BCAT1: variants seen among roughly 807,000 people sequenced by gnomAD.
BCAT1 encodes branched chain amino acid transaminase 1.
In BCAT1, 48 loss-of-function variants were observed where a neutral mutation model predicts 52.4. The ratio of observed to expected loss-of-function variants is 0.92; its 90% confidence interval spans 0.73 to 1.16. The LOEUF (loss-of-function observed/expected upper bound fraction) is 1.16, where lower values mean the gene tolerates loss of function less well. Among genes scored for constraint, BCAT1 ranks in the 50% most tolerant of loss-of-function variants. The pLI is 0.00. For synonymous variants in BCAT1, 167 were observed against 161.3 expected (o/e 1.04, Z -0.27); for missense variants, 451 against 457.1 (o/e 0.99, Z 0.12).
intron 8 of BCAT1, chr12:24,833,677 A>G (rs1940787284): frequency 6.6e-6 from 1 of 152,220 alleles, no homozygotes; most frequent in Admixed American, 6.5e-5. Context: ...TATCATCCCC[A>G]TTTTACAGAT....
rs755304286 is a variant in BCAT1 at position 24,881,396 on chromosome 12, T to G, written c.295A>C (p.Lys99Gln). Residue 99 changes from lysine to glutamine, a missense_variant, in exon 4 of 11, where the codon AAG becomes CAG. Coordinates refer to ENST00000261192, the MANE Select transcript of BCAT1 (RefSeq NM_005504.7). ...TTATTATCTACTCCTCGAAATGCCTTCAATCCTTCAAATAACTGGAGATCA... is the reference window on the plus strand; with the variant it reads ...TTATTATCTACTCCTCGAAATGCCTGCAATCCTTCAAATAACTGGAGATCA... ...HYAVELFEGLKAFRGVDNKIR... is the reference protein window; with the variant it reads ...HYAVELFEGLQAFRGVDNKIR... 3 of 1,608,446 alleles carry G rather than the reference T, an allele frequency of 1.9e-6. No homozygotes were observed. Among genetic ancestry groups the G allele is most frequent in the Non-Finnish European group, 1.7e-6 (2 of 1,175,038 alleles).
chr12:24,898,942 G>C (rs548542439), intron 2 of BCAT1, among the ~76,000 whole-genome samples: 19 of 152,258 alleles, frequency 1.2e-4, no homozygotes, highest in African/African-American at 4.3e-4. Flanking sequence ...AGGTTCTTGT[G>C]CATTATTCTT....
At chr12:24,890,508 A>G (rs548938629) in intron 3 of BCAT1, among the ~76,000 whole-genome samples, 1 of 152,296 alleles carries the variant, frequency 6.6e-6, no homozygotes, top group East Asian at 1.9e-4. Flanking sequence ...CAAATCCCAT[A>G]TGGCAATGAA....
chr12:24,929,699 T>C (rs2029985), intron 1 of BCAT1, among the ~76,000 whole-genome samples: 137,952 of 152,032 alleles, frequency 0.91, 63,091 homozygotes, highest in East Asian at 1. Context: ...AACCTATGCT[T>C]GCTATACACT....
rs1303871292 is a variant in BCAT1 at position 24,816,634 on chromosome 12, A to G, written c.*1374T>C. On this transcript the variant is annotated 3_prime_UTR_variant, in exon 11 of 11. Coordinates refer to ENST00000261192, the MANE Select transcript of BCAT1 (RefSeq NM_005504.7). ...TTTATTTCTGCAATTAACACTTGACATAAAACATTTGTCATTTCCATTTGG... is the reference window on the plus strand; with the variant it reads ...TTTATTTCTGCAATTAACACTTGACGTAAAACATTTGTCATTTCCATTTGG... 3 of 397,664 alleles carry G rather than the reference A, an allele frequency of 7.5e-6. No homozygotes were observed. 24.6% of individuals were successfully genotyped at this position (397,664 alleles called of 1,614,324 possible). A position where few individuals can be genotyped will look rare whatever the true frequency, so the allele number is the denominator to read the frequency against.
At chr12:24,937,542 G>T (rs1036128413) in intron 1 of BCAT1, among the ~76,000 whole-genome samples, 4 of 152,106 alleles carry the variant, frequency 2.6e-5, no homozygotes, top group African/African-American at 9.7e-5. Context: ...TTGAGATAGG[G>T]TGTCACTCTG....
At chr12:24,925,136 C>T (rs1943558592) in intron 1 of BCAT1, among the ~76,000 whole-genome samples, 1 of 152,192 alleles carries the variant, frequency 6.6e-6, no homozygotes, top group African/African-American at 2.4e-5. Flanking sequence ...TTTAAATCAG[C>T]AGACTTTGAG....
rs1591777412 is a variant in BCAT1 at position 24,827,483 on chromosome 12, C to T, written c.1119+2340G>A. 2.6e-5 allele frequency among the ~76,000 whole-genome samples: 4 copies of T among 152,142 alleles called. No homozygotes were observed. The South Asian group carries it at 6.2e-4, about 24-fold the overall frequency. The stretch of plus-strand genomic sequence containing the variant: ...TTGCTGGAGAGCAGAAGTATGGCAG[C>T]TCATTGATTAAAAAACCACAATCAA... On this transcript the variant is annotated intron_variant, in intron 10 of 10. Coordinates refer to ENST00000261192, the MANE Select transcript of BCAT1 (RefSeq NM_005504.7).
chr12:24,861,719 A>C (rs545120306), intron 5 of BCAT1, among the ~76,000 whole-genome samples: 3 of 152,324 alleles, frequency 2.0e-5, no homozygotes, highest in African/African-American at 7.2e-5. Context: ...CATCTTGAAT[A>C]GGGGATAGAT....
chr12:24,932,412 T>C (rs1290393987), intron 1 of BCAT1, among the ~76,000 whole-genome samples: 1 of 152,240 alleles, frequency 6.6e-6, no homozygotes, highest in African/African-American at 2.4e-5. Flanking sequence ...CAGCTGAAAG[T>C]TCACCTTTTC....
At chr12:24,893,444 G>C (rs1398922118) in intron 3 of BCAT1, among the ~76,000 whole-genome samples, 1 of 152,164 alleles carries the variant, frequency 6.6e-6, no homozygotes, top group East Asian at 1.9e-4. Flanking sequence ...GACCGAATTT[G>C]AGCCCAGGAT....
rs186833321 is a variant in BCAT1 at position 24,933,056 on chromosome 12, C to T, written c.6+15871G>A. ...CAAACTCCTGACCTTGTGATCCACCCGCCTCGGCCTCCCAAAGTGCTGGGA... is the reference window on the plus strand; with the variant it reads ...CAAACTCCTGACCTTGTGATCCACCTGCCTCGGCCTCCCAAAGTGCTGGGA... On this transcript the variant is annotated intron_variant, in intron 1 of 10. Transcript: ENST00000261192. Among the ~76,000 whole-genome samples, 590 of 150,768 alleles carry T rather than the reference C, an allele frequency of 3.9e-3. 1 individual carries two copies. Among genetic ancestry groups the T allele is most frequent in the African/African-American group, 0.014 (562 of 40,968 alleles).
chr12:24,943,828 C>CA (rs1312722186), intron 1 of BCAT1, among the ~76,000 whole-genome samples: 9 of 150,602 alleles, frequency 6.0e-5, no homozygotes, highest in South Asian at 2.1e-4. Flanking sequence ...ACAAAAAATA[C>CA]AAAAAATTAG....
rs144669146 is a variant in BCAT1, at chr12:24,875,182, A to G, written c.510+3348T>C. Among the ~76,000 whole-genome samples, 216 of 152,326 alleles carry G rather than the reference A, an allele frequency of 1.4e-3. 2 individuals carry two copies. Among genetic ancestry groups the G allele is most frequent in the South Asian group, 0.013 (63 of 4,828 alleles). The stretch of plus-strand genomic sequence containing the variant: ...AGCTACTGGCACCAGTCTTCCAGCC[A>G]GTACTTCACATATCAAATGTAGCCA... On this transcript the variant is annotated intron_variant, in intron 5 of 10. Transcript: ENST00000261192.
At chr12:24,844,581 G>A (rs1043603163) in intron 6 of BCAT1, among the ~76,000 whole-genome samples, 1 of 151,944 alleles carries the variant, frequency 6.6e-6, no homozygotes, top group African/African-American at 2.4e-5. Context: ...CGATGAGGTT[G>A]ACTCACACCA....
chr12:24,930,935 C>A (rs933111156), intron 1 of BCAT1, among the ~76,000 whole-genome samples: 35 of 126,634 alleles, frequency 2.8e-4, no homozygotes, highest in African/African-American at 1.0e-3. Context: ...GAGTCTTGCT[C>A]TGTCACCCAG....
At chr12:24,849,346 C>A (rs548949952) in intron 6 of BCAT1, among the ~76,000 whole-genome samples, 1 of 152,348 alleles carries the variant, frequency 6.6e-6, no homozygotes, top group East Asian at 1.9e-4. Flanking sequence ...GAAGCGGGCA[C>A]CTTCCCCAGA....
At chr12:24,863,040 C>A (rs1055726028) in intron 5 of BCAT1, among the ~76,000 whole-genome samples, 1 of 152,064 alleles carries the variant, frequency 6.6e-6, no homozygotes, top group Non-Finnish European at 1.5e-5. Flanking sequence ...GGTTTATTTG[C>A]CAGCCCTGTT....
At position 24,863,632 on chromosome 12, in the gene BCAT1, A is replaced by G. The variant is rs115241225; in HGVS notation, c.511-13683T>C. On this transcript the variant is annotated intron_variant, in intron 5 of 10. Coordinates refer to ENST00000261192, the MANE Select transcript of BCAT1 (RefSeq NM_005504.7). ...GGAGGTGCTACAGTGAGTCACCCTT[A>G]GAAAGGCCATGCTTTGGCTGGGCAC... 1.3e-3 allele frequency among the ~76,000 whole-genome samples: 197 copies of G among 152,340 alleles called. 1 individual carries two copies. The highest frequency in any genetic ancestry group is 4.4e-3 in the African/African-American group (182 of 41,588).
Sources: allele counts gnomAD v4.1 joint callset (sites outside exome capture counted in the v4.1 genomes callset), GRCh38; gene constraint gnomAD v4.1.1; transcripts MANE v1.5; gene names NCBI Gene and HGNC (gene_info 2026-07-23, HGNC 2026-07-21).